FIG4: variants seen among roughly 807,000 people sequenced by gnomAD.
The protein encoded by FIG4 is FIG4 phosphoinositide 5-phosphatase.
A neutral mutation model predicts 118.6 loss-of-function variants in FIG4; 112 were observed. That is an observed-to-expected ratio of 0.94 (90% CI 0.81 to 1.11). The LOEUF (loss-of-function observed/expected upper bound fraction) is 1.11. FIG4 is among the 50% of genes least tolerant of loss of function. FIG4 has a pLI of 0.00. For missense variants in FIG4, 969 were observed against 1,111.7 expected (o/e 0.87, Z 1.83); for synonymous variants, 369 against 381.2 (o/e 0.97, Z 0.37).
chr6:109,737,750 T>G (rs1776201677), intron 6 of FIG4, among the ~76,000 whole-genome samples: 1 of 152,196 alleles, frequency 6.6e-6, no homozygotes, highest in African/African-American at 2.4e-5. Flanking sequence ...AGAAAAGGCC[T>G]GACATCATAA....
At chr6:109,815,672 G>T (rs1461585143) in intron 22 of FIG4, among the ~76,000 whole-genome samples, 1 of 151,958 alleles carries the variant, frequency 6.6e-6, no homozygotes, top group Non-Finnish European at 1.5e-5. Context: ...AAGGCCATCG[G>T]CACTGAAAGG....
At position 109,820,409 on chromosome 6, in the gene FIG4, C is replaced by T. The variant is rs557382988; in HGVS notation, c.2547-4679C>T. Among the ~76,000 whole-genome samples the T allele has an allele frequency of 3.9e-5, 6 of 152,314 alleles. No homozygotes were observed. The East Asian group carries it at 5.8e-4, about 15-fold the overall frequency. ...AGATTAAGAGTGTTACCACCTCACC[C>T]GCACCCCCCAAGTCTCCCATCACTC... On this transcript the variant is annotated intron_variant, in intron 22 of 22. Coordinates refer to ENST00000230124, the MANE Select transcript of FIG4 (RefSeq NM_014845.6).
In FIG4 at chr6:109,743,785, C is replaced by T; in HGVS notation, c.1137+13C>T. 1 of 1,583,970 alleles carries T rather than the reference C, an allele frequency of 6.3e-7. No individual in the cohort carries two copies. The highest frequency in any genetic ancestry group is 8.7e-7 in the Non-Finnish European group (1 of 1,153,322). ...GAATTTAGTGAAGGTATGATGTGCT[C>T]ATCTGTTTGGTTATGAGATTCAGAC... On this transcript the variant is annotated intron_variant, in intron 10 of 22. Transcript: ENST00000230124.
intron 1 of FIG4, among the ~76,000 whole-genome samples, chr6:109,692,509 C>A (rs746057994): frequency 1.3e-5 from 2 of 152,000 alleles, no homozygotes; most frequent in Non-Finnish European, 2.9e-5. Context: ...AATTGTGGAC[C>A]TTAAATTAAT....
intron 19 of FIG4, among the ~76,000 whole-genome samples, chr6:109,790,154 G>A (rs1218389344): frequency 6.6e-6 from 1 of 152,108 alleles, no homozygotes; most frequent in Non-Finnish European, 1.5e-5. Context: ...TTAAGAGACT[G>A]GAGTGAAATG....
At chr6:109,821,033 C>T (rs1778992264) in intron 22 of FIG4, among the ~76,000 whole-genome samples, 1 of 152,150 alleles carries the variant, frequency 6.6e-6, no homozygotes, top group Non-Finnish European at 1.5e-5. Flanking sequence ...CAATTCAATA[C>T]CAGGGGAGTG....
intron 4 of FIG4, among the ~76,000 whole-genome samples, chr6:109,727,508 T>C (rs190761110): frequency 6.6e-6 from 1 of 152,326 alleles, no homozygotes; most frequent in Admixed American, 6.5e-5. Flanking sequence ...TAAGAGCTGT[T>C]AAAGACTCCA....
chr6:109,774,001 A>AG lies in FIG4; in HGVS notation c.1751-2920dup, dbSNP rs1777543493. ...TATTTTTTATTATTTTTGTAGAGAC[A>AG]GAATCTCCCTGTGTTCCCCAGGCTG... On this transcript the variant is annotated intron_variant, in intron 15 of 22. Transcript: ENST00000230124. Among the ~76,000 whole-genome samples the AG allele has an allele frequency of 2.0e-5, 3 of 152,124 alleles. No individual in the cohort carries two copies. The South Asian group carries it at 6.2e-4, about 32-fold the overall frequency.
intron 3 of FIG4, among the ~76,000 whole-genome samples, chr6:109,723,226 A>G (rs1160953953): frequency 1.3e-5 from 2 of 152,064 alleles, no homozygotes; most frequent in African/African-American, 2.4e-5. Context: ...TTGCATTGCT[A>G]TTTCAGAAGT....
At chr6:109,774,856 A>T (rs956900849) in intron 15 of FIG4, among the ~76,000 whole-genome samples, 9 of 151,748 alleles carry the variant, frequency 5.9e-5, no homozygotes, top group African/African-American at 2.2e-4. Context: ...TTCCACCCCC[A>T]CCCCAATACT....
chr6:109,727,216 A>C lies in FIG4; in HGVS notation c.397A>C (p.Ile133Leu). 6.2e-7 allele frequency: 1 copy of C among 1,612,678 alleles called. No homozygotes were observed. Among genetic ancestry groups the C allele is most frequent in the Non-Finnish European group, 8.5e-7 (1 of 1,178,900 alleles). The stretch of plus-strand genomic sequence containing the variant: ...CTATAAGGTCGAAGATACAAATATG[A>C]TCTATATACCCAATGATTCTGTACG... Reference protein sequence around the residue: ...AIYKVEDTNMIYIPNDSVRVT... With the variant: ...AIYKVEDTNMLYIPNDSVRVT... The change falls in exon 4 of 23, where the codon ATC (isoleucine) becomes CTC (leucine). Residue 133 changes from isoleucine to leucine, a missense_variant. Coordinates refer to ENST00000230124, the MANE Select transcript of FIG4 (RefSeq NM_014845.6).
At chr6:109,706,647 A>G (rs910039935) in intron 1 of FIG4, among the ~76,000 whole-genome samples, 17 of 152,208 alleles carry the variant, frequency 1.1e-4, no homozygotes, top group Admixed American at 6.5e-5. Context: ...TACAAAGTGA[A>G]GGACAGAAAA....
intron 16 of FIG4, among the ~76,000 whole-genome samples, chr6:109,782,931 T>C (rs1315497270): frequency 1.3e-5 from 2 of 152,244 alleles, no homozygotes; most frequent in Admixed American, 6.5e-5. Context: ...ACATCACTTG[T>C]TGATGTCTGG....
intron 10 of FIG4, among the ~76,000 whole-genome samples, chr6:109,749,589 A>AATAAAATAAAATAAAATAAG (rs1247496446): frequency 1.9e-4 from 4 of 20,564 alleles, no homozygotes; most frequent in Non-Finnish European, 3.7e-4. Flanking sequence ...CTGCCTCAAT[A>AATAAAATAAAATAAAATAAG]ATAAAATAAA....
At chr6:109,752,758 G>A (rs1776751088) in intron 10 of FIG4, among the ~76,000 whole-genome samples, 1 of 152,192 alleles carries the variant, frequency 6.6e-6, no homozygotes, top group Non-Finnish European at 1.5e-5. Context: ...CAGATGAGTA[G>A]GTTGCGGAGA....
chr6:109,772,881 T>A (rs1317446975), intron 15 of FIG4, among the ~76,000 whole-genome samples: 1 of 152,258 alleles, frequency 6.6e-6, no homozygotes, highest in African/African-American at 2.4e-5. Flanking sequence ...CTGTATTCTC[T>A]GCTTAGGTTC....
chr6:109,825,319 G>A lies in FIG4; in HGVS notation c.*54G>A, dbSNP rs1779129862. 2.6e-6 allele frequency: 4 copies of A among 1,522,856 alleles called. No homozygotes were observed. Among genetic ancestry groups the A allele is most frequent in the Non-Finnish European group, 1.8e-6 (2 of 1,098,376 alleles). The allele number at this position is 1,522,856 out of a possible 1,614,324, so 94.3% of individuals were successfully genotyped here. ...GTCTGATTAGCTTAGAACCTGTCTT[G>A]TCTCATCTTCAAAAGGTAACTTATT... On this transcript the variant is annotated 3_prime_UTR_variant, in exon 23 of 23. Transcript: ENST00000230124.
At chr6:109,771,696 T>C (rs1777468070) in intron 15 of FIG4, among the ~76,000 whole-genome samples, 1 of 152,036 alleles carries the variant, frequency 6.6e-6, no homozygotes, top group African/African-American at 2.4e-5. Flanking sequence ...CCTCTAATTC[T>C]CCCATCAAAT....
Position 109,790,113 on chromosome 6 carries a change from A to T in FIG4, c.2180+436A>T, listed in dbSNP as rs566246789. ...TATTATTTTATTCAGTCCAGTAAAG[A>T]AGAAGATATACTGTGTTTGCATCTT... On this transcript the variant is annotated intron_variant, in intron 19 of 22. Transcript: ENST00000230124. Among the ~76,000 whole-genome samples, 8 of 152,320 alleles carry T rather than the reference A, an allele frequency of 5.3e-5. No homozygotes were observed. The East Asian group carries it at 1.5e-3, about 29-fold the overall frequency.
Sources: gnomAD v4.1 joint callset for allele counts (sites outside exome capture counted in the v4.1 genomes callset) on GRCh38, gnomAD v4.1.1 for gene constraint, MANE v1.5 for transcripts, NCBI Gene and HGNC (gene_info 2026-07-23, HGNC 2026-07-21) for gene names.